The following NRG2 variants were observed in gnomAD, a reference collection of about 807,000 sequenced individuals.
The protein encoded by NRG2 is neuregulin 2.
In NRG2, 27 loss-of-function variants were observed where a neutral mutation model predicts 73.9. That is an observed-to-expected ratio of 0.37 (90% CI 0.27 to 0.50). NRG2 has a LOEUF of 0.50. NRG2 is among the 20% of genes least tolerant of loss of function. The probability of loss-of-function intolerance (pLI) is 0.96; values close to 1 mark genes in which losing one functional copy is unlikely to be tolerated. For missense variants in NRG2, 1,126 were observed against 1,210.1 expected (o/e 0.93, Z 1.03); for synonymous variants, 532 against 541.0 (o/e 0.98, Z 0.23).
At chr5:139,922,955 A>G (rs1269982743) in intron 1 of NRG2, among the ~76,000 whole-genome samples, 1 of 152,310 alleles carries the variant, frequency 6.6e-6, no homozygotes, top group East Asian at 1.9e-4. Context: ...GAGGGGAGGG[A>G]GGAATGAAGA....
intron 1 of NRG2, among the ~76,000 whole-genome samples, chr5:139,996,553 C>T (rs540833252): frequency 1.3e-5 from 2 of 152,302 alleles, no homozygotes; most frequent in South Asian, 2.1e-4. Flanking sequence ...AAAGAAAACA[C>T]GTATCTTCAG....
At position 139,983,721 on chromosome 5, in the gene NRG2, A is replaced by G. The variant is rs138590727; in HGVS notation, c.700+58649T>C. Among the ~76,000 whole-genome samples the G allele has an allele frequency of 3.2e-3, 482 of 152,346 alleles. 1 individual carries two copies. Among genetic ancestry groups the G allele is most frequent in the Admixed American group, 9.1e-3 (140 of 15,306 alleles). ...CCTATTTTAATAGGTGGGACTACAG[A>G]AGTCCGAGAAATAATGGGACTTGCT... On this transcript the variant is annotated intron_variant, in intron 1 of 9. Coordinates refer to ENST00000361474, the MANE Select transcript of NRG2 (RefSeq NM_004883.3).
chr5:139,917,969 T>C (rs1019204908), intron 1 of NRG2, among the ~76,000 whole-genome samples: 6 of 152,340 alleles, frequency 3.9e-5, no homozygotes, highest in Admixed American at 3.3e-4. Flanking sequence ...TATTACCTAA[T>C]TGAATGTCAC....
chr5:139,849,291 A>G (rs1761251067), intron 9 of NRG2, among the ~76,000 whole-genome samples: 3 of 152,208 alleles, frequency 2.0e-5, no homozygotes, highest in Admixed American at 1.3e-4. Flanking sequence ...TCCAGAAGCC[A>G]TTAGTCTCCA....
At chr5:139,923,919 G>A (rs1352179661) in intron 1 of NRG2, among the ~76,000 whole-genome samples, 1 of 151,586 alleles carries the variant, frequency 6.6e-6, no homozygotes, top group African/African-American at 2.4e-5. Context: ...CAGCAGTCTT[G>A]TTGGTCATCT....
At chr5:140,020,332 T>C (rs1303155095) in intron 1 of NRG2, among the ~76,000 whole-genome samples, 3 of 152,234 alleles carry the variant, frequency 2.0e-5, no homozygotes, top group Non-Finnish European at 1.5e-5. Flanking sequence ...TGTGAATAGC[T>C]GATTTCTTGT....
Position 139,851,526 on chromosome 5 carries a change from G to T in NRG2, c.1772+78C>A. 1 of 1,352,232 alleles carries T rather than the reference G, an allele frequency of 7.4e-7. No individual in the cohort carries two copies. 83.8% of individuals were successfully genotyped at this position (1,352,232 alleles called of 1,614,324 possible). On this transcript the variant is annotated intron_variant, in intron 9 of 9. Transcript: ENST00000361474. The surrounding 1 kb of genome is among the most constrained non-coding windows in gnomAD (Gnocchi z 4.2). ...GAGGCTCTTTGGAGTGTTTCTGAGG[G>T]GCCCTAAGGGTCAGCCTTGGGCCAG...
At chr5:140,020,583 C>A (rs943378079) in intron 1 of NRG2, among the ~76,000 whole-genome samples, 7 of 152,176 alleles carry the variant, frequency 4.6e-5, no homozygotes, top group African/African-American at 1.7e-4. Flanking sequence ...TTCAAGCTAA[C>A]CTTTTGCTTC....
At chr5:140,011,329 A>C (rs265160) in intron 1 of NRG2, among the ~76,000 whole-genome samples, 39,303 of 152,036 alleles carry the variant, frequency 0.26, 5,737 homozygotes, top group African/African-American at 0.39. Context: ...TTCCTTCGGG[A>C]TTATGGTAGG....
chr5:139,928,450 T>C (rs536910605), intron 1 of NRG2, among the ~76,000 whole-genome samples: 39 of 152,342 alleles, frequency 2.6e-4, no homozygotes, highest in African/African-American at 9.4e-4. Flanking sequence ...ACGTAAGTGC[T>C]TCTCCAGATG....
Position 139,920,752 on chromosome 5 carries a change from GACAAAACAAAACAAA to G in NRG2, c.701-33256_701-33242del, listed in dbSNP as rs561547280. On this transcript the variant is annotated intron_variant, in intron 1 of 9. Coordinates refer to ENST00000361474, the MANE Select transcript of NRG2 (RefSeq NM_004883.3). ...AGGGTAGGGAAGGCAGAATACTCCA[GACAAAACAAAACAAA>G]ACAAAACAAAACAAATCACAGCATA... is the stretch of plus-strand genomic sequence containing the variant. Among the ~76,000 whole-genome samples the G allele has an allele frequency of 5.3e-5, 8 of 152,108 alleles. No homozygotes were observed. The East Asian group carries it at 5.8e-4, about 11-fold the overall frequency.
intron 1 of NRG2, among the ~76,000 whole-genome samples, chr5:140,026,457 C>G (rs1032753903): frequency 1.3e-5 from 2 of 152,048 alleles, no homozygotes; most frequent in African/African-American, 4.8e-5. Flanking sequence ...AACTAGAAGC[C>G]AGGCACAGTG....
chr5:140,023,701 T>A (rs775483808), intron 1 of NRG2, among the ~76,000 whole-genome samples: 1 of 152,062 alleles, frequency 6.6e-6, no homozygotes, highest in Non-Finnish European at 1.5e-5. Flanking sequence ...CCTTTTGGAG[T>A]CAGGAAGTGG....
intron 1 of NRG2, among the ~76,000 whole-genome samples, chr5:140,010,911 C>G (rs375625320): frequency 2.1e-4 from 32 of 152,336 alleles, no homozygotes; most frequent in African/African-American, 6.0e-4. Flanking sequence ...AATCTGGCCC[C>G]CCTTCATAAG....
At chr5:140,000,745 C>A (rs1053831540) in intron 1 of NRG2, among the ~76,000 whole-genome samples, 2 of 152,198 alleles carry the variant, frequency 1.3e-5, no homozygotes, top group African/African-American at 4.8e-5. Context: ...TTGGTCTGCA[C>A]TATTGCTCTG....
intron 1 of NRG2, among the ~76,000 whole-genome samples, chr5:139,890,839 A>C (rs1764170426): frequency 6.6e-6 from 1 of 152,140 alleles, no homozygotes; most frequent in African/African-American, 2.4e-5. Flanking sequence ...CACATATTAT[A>C]AGTGTATATA....
At position 139,963,362 on chromosome 5, in the gene NRG2, G is replaced by A. The variant is rs191742059; in HGVS notation, c.701-75851C>T. Among the ~76,000 whole-genome samples, 12 of 152,204 alleles carry A rather than the reference G, an allele frequency of 7.9e-5. 1 individual carries two copies. Among genetic ancestry groups the A allele is most frequent in the Admixed American group, 3.3e-4 (5 of 15,296 alleles). On this transcript the variant is annotated intron_variant, in intron 1 of 9. Transcript: ENST00000361474. ...CACTCACATACACATGTATTTGCACGTTCAAATAAAGTATAGGCATCAGGC... is the reference window on the plus strand; with the variant it reads ...CACTCACATACACATGTATTTGCACATTCAAATAAAGTATAGGCATCAGGC...
intron 5 of NRG2, among the ~76,000 whole-genome samples, chr5:139,864,495 T>C (rs1465842204): frequency 6.6e-6 from 1 of 151,550 alleles, no homozygotes; most frequent in Non-Finnish European, 1.5e-5. Context: ...ACAGAGGTGC[T>C]GAGAGAGTCA....
At position 139,868,394 on chromosome 5, in the gene NRG2, T is replaced by A. The variant is rs1762625808; in HGVS notation, c.1113-2769A>T. ...GGAGTCTGAACTCAGCATTGGGGGC[T>A]GGGTGGTGGTTGGTGGTTTCCACTG... On this transcript the variant is annotated intron_variant, in intron 4 of 9. Coordinates refer to ENST00000361474, the MANE Select transcript of NRG2 (RefSeq NM_004883.3). The surrounding 1 kb of genome is among the most constrained non-coding windows in gnomAD (Gnocchi z 4.2). 6.6e-6 allele frequency among the ~76,000 whole-genome samples: 1 copy of A among 152,068 alleles called. No individual in the cohort carries two copies. Among genetic ancestry groups the A allele is most frequent in the Non-Finnish European group, 1.5e-5 (1 of 67,994 alleles).
Sources: allele counts gnomAD v4.1 joint callset (sites outside exome capture counted in the v4.1 genomes callset), GRCh38; gene constraint gnomAD v4.1.1; non-coding constraint Gnocchi (gnomAD v3.1); transcripts MANE v1.5; gene names NCBI Gene and HGNC (gene_info 2026-07-23, HGNC 2026-07-21).